SAE1: variants seen among roughly 807,000 people sequenced by gnomAD.
SAE1 encodes SUMO1 activating enzyme subunit 1.
Under a neutral mutation model 40.6 loss-of-function variants are expected in SAE1, and 11 were observed. The ratio of observed to expected loss-of-function variants is 0.27; its 90% confidence interval spans 0.17 to 0.45. The LOEUF (loss-of-function observed/expected upper bound fraction) is 0.45, where lower values mean the gene tolerates loss of function less well. Ranked by LOEUF, SAE1 falls within the 20% of genes least tolerant of loss-of-function variation. The pLI is 1.00. For synonymous variants in SAE1, 155 were observed against 154.3 expected, an observed-to-expected ratio of 1.00 and a Z score of -0.03; for missense variants, 373 against 427.3, an observed-to-expected ratio of 0.87 and a Z score of 1.12.
chr19:47,193,326 G>C (rs929127035), intron 6 of SAE1, among the ~76,000 whole-genome samples: 2 of 152,062 alleles, frequency 1.3e-5, no homozygotes. Context: ...CTCTGAAAGT[G>C]CTGGGATTAC....
At position 47,153,014 on chromosome 19, in the gene SAE1, C is replaced by T. The variant is rs769978634; in HGVS notation, c.501C>T (p.Ala167=). 6.2e-7 allele frequency: 1 copy of T among 1,613,302 alleles called. No homozygotes were observed. The highest frequency in any genetic ancestry group is 1.7e-4 in the Middle Eastern group (1 of 5,888). Residue 167 remains alanine, a synonymous_variant, in exon 4 of 9, where the codon GCC becomes GCT. Transcript: ENST00000270225. ...DVFGYHGYTF[A]NLGEHEFVEE... is the part of the protein sequence containing the mutation. ...TTGGCTACCATGGATACACATTTGC[C>T]AATCTAGGAGAGCATGAGTTTGTAG...
intron 5 of SAE1, among the ~76,000 whole-genome samples, chr19:47,168,318 T>TTC (rs964495267): frequency 5.3e-5 from 8 of 152,016 alleles, no homozygotes; most frequent in Non-Finnish European, 7.4e-5. Flanking sequence ...CTGTATTTTT[T>TTC]TCTCTCTCTC....
intron 8 of SAE1, among the ~76,000 whole-genome samples, chr19:47,207,653 C>CCT (rs1198915608): frequency 6.6e-6 from 1 of 152,084 alleles, no homozygotes; most frequent in East Asian, 1.9e-4. Flanking sequence ...CCTTCCCACC[C>CCT]CTCTCTCTCG....
intron 6 of SAE1, among the ~76,000 whole-genome samples, chr19:47,174,074 TC>T (rs774718262): frequency 2.0e-5 from 3 of 152,046 alleles, no homozygotes; most frequent in East Asian, 3.9e-4. Flanking sequence ...GTGAGCCACT[TC>T]GCCCAGCCTG....
At chr19:47,207,783 C>T (rs1039867630) in intron 8 of SAE1, among the ~76,000 whole-genome samples, 3 of 152,040 alleles carry the variant, frequency 2.0e-5, no homozygotes, top group South Asian at 2.1e-4. Flanking sequence ...TATAAGCACA[C>T]GCCACCACAT....
chr19:47,154,198 CT>C (rs1476299418), intron 4 of SAE1, among the ~76,000 whole-genome samples: 1 of 152,156 alleles, frequency 6.6e-6, no homozygotes, highest in Non-Finnish European at 1.5e-5. Context: ...TCAAGTGGTT[CT>C]CCTGCTTCAG....
chr19:47,204,149 G>C (rs1025656743), intron 8 of SAE1, among the ~76,000 whole-genome samples: 10 of 130,710 alleles, frequency 7.7e-5, no homozygotes, highest in Admixed American at 6.4e-4. Flanking sequence ...CCTCTGTACA[G>C]TTTATCTCTA....
At chr19:47,143,819 C>G (rs562017539) in intron 2 of SAE1, among the ~76,000 whole-genome samples, 114 of 152,278 alleles carry the variant, frequency 7.5e-4, no homozygotes, top group Non-Finnish European at 1.4e-3. Flanking sequence ...ACTCACACCC[C>G]CTCATTGAGC....
chr19:47,154,566 C>T (rs912344944), intron 4 of SAE1, among the ~76,000 whole-genome samples: 4 of 131,610 alleles, frequency 3.0e-5, no homozygotes, highest in African/African-American at 1.1e-4. Context: ...GTGATCTCAG[C>T]TCATTGCAAC....
At chr19:47,139,683 G>C (rs2123184819) in intron 1 of SAE1, among the ~76,000 whole-genome samples, 1 of 149,920 alleles carries the variant, frequency 6.7e-6, no homozygotes, top group South Asian at 2.1e-4. Context: ...ACACCTTCCG[G>C]GTTCACACCA....
chr19:47,197,064 C>T (rs1013188645), intron 6 of SAE1, among the ~76,000 whole-genome samples, 169 bp from the exon 7 acceptor site: 2 of 151,888 alleles, frequency 1.3e-5, no homozygotes, highest in African/African-American at 4.8e-5. Context: ...GCCTGTAGTC[C>T]TAGCTACTCA....
chr19:47,174,298 T>C (rs1273567438), intron 6 of SAE1, among the ~76,000 whole-genome samples: 2 of 150,770 alleles, frequency 1.3e-5, no homozygotes, highest in African/African-American at 4.8e-5. Context: ...TTTTTCTTTT[T>C]CTTTTTTTTT....
chr19:47,183,509 C>T (rs2058524298), intron 6 of SAE1, among the ~76,000 whole-genome samples: 1 of 152,160 alleles, frequency 6.6e-6, no homozygotes, highest in Non-Finnish European at 1.5e-5. Context: ...TTCACAGGCA[C>T]CTCGTGACAT....
intron 6 of SAE1, among the ~76,000 whole-genome samples, chr19:47,193,620 GA>G (rs1224506308): frequency 6.6e-6 from 1 of 151,416 alleles, no homozygotes; most frequent in African/African-American, 2.4e-5. Flanking sequence ...TCAGGAACTT[GA>G]GACCAGGAAT....
At chr19:47,185,612 G>GT (rs1300639876) in intron 6 of SAE1, among the ~76,000 whole-genome samples, 2 of 151,064 alleles carry the variant, frequency 1.3e-5, no homozygotes, top group Non-Finnish European at 3.0e-5. Context: ...GCCTATTTTT[G>GT]TTTTTTTGAG....
At chr19:47,182,496 T>TGTGTGTGTGTGTGTGTGC (rs143321323) in intron 6 of SAE1, among the ~76,000 whole-genome samples, 2 of 145,938 alleles carry the variant, frequency 1.4e-5, no homozygotes, top group Admixed American at 6.9e-5. Context: ...TGTGTGTGTG[T>TGTGTGTGTGTGTGTGTGC]GCGCGCACGC....
At chr19:47,153,549 A>G (rs1345391645) in intron 4 of SAE1, among the ~76,000 whole-genome samples, 2 of 152,160 alleles carry the variant, frequency 1.3e-5, no homozygotes, top group African/African-American at 4.8e-5. Flanking sequence ...CACCCCCTCC[A>G]AAACCCTCCA....
chr19:47,170,493 C>T (rs959487673), intron 6 of SAE1, among the ~76,000 whole-genome samples: 5 of 143,166 alleles, frequency 3.5e-5, no homozygotes, highest in East Asian at 2.0e-4. Context: ...TTCTCTTCAC[C>T]GCCCCCCGCC....
chr19:47,164,545 GTATTGAGGT>G lies in SAE1; in HGVS notation c.628-5258_628-5250del, dbSNP rs920782723. On this transcript the variant is annotated intron_variant, in intron 5 of 8. Coordinates refer to ENST00000270225, the MANE Select transcript of SAE1 (RefSeq NM_005500.3). ...TAATCTATTTTACCAGTCACCTATT[GTATTGAGGT>G]TATTGAGGTTATTGCAGTTTCCTAC... Among the ~76,000 whole-genome samples, 67 of 148,992 alleles carry G rather than the reference GTATTGAGGT, an allele frequency of 4.5e-4. 1 individual carries two copies. Among genetic ancestry groups the G allele is most frequent in the African/African-American group, 1.4e-3 (57 of 40,530 alleles).
Sources: allele counts gnomAD v4.1 joint callset (sites outside exome capture counted in the v4.1 genomes callset), GRCh38; gene constraint gnomAD v4.1.1; transcripts MANE v1.5; gene names NCBI Gene and HGNC (gene_info 2026-07-23, HGNC 2026-07-21).